ATXN1: variants seen among roughly 807,000 people sequenced by gnomAD.
The protein encoded by ATXN1 is ataxin-1.
ATXN1 carries 8 observed loss-of-function variants against 56.4 expected under a neutral mutation model. The observed-to-expected ratio is 0.14, with a 90% CI of 0.08 to 0.26. The LOEUF is 0.26. Among genes scored for constraint, ATXN1 ranks in the 10% least tolerant of loss-of-function variants. The probability of loss-of-function intolerance (pLI) is 1.00; values close to 1 mark genes in which losing one functional copy is unlikely to be tolerated. For missense variants in ATXN1, 987 were observed against 1,106.5 expected (o/e 0.89, Z 1.53); for synonymous variants, 514 against 494.6 (o/e 1.04, Z -0.52).
intron 6 of ATXN1, among the ~76,000 whole-genome samples, chr6:16,393,270 T>G (rs1020085078): frequency 6.6e-6 from 1 of 152,086 alleles, no homozygotes; most frequent in African/African-American, 2.4e-5. Context: ...TATTTATTTT[T>G]TTTAGAGACA....
At chr6:16,497,292 T>C (rs1760798028) in intron 5 of ATXN1, among the ~76,000 whole-genome samples, 1 of 150,448 alleles carries the variant, frequency 6.6e-6, no homozygotes, top group Non-Finnish European at 1.5e-5. Context: ...AGTATAATCA[T>C]AATCATAATA....
chr6:16,760,670 G>A lies in ATXN1; in HGVS notation c.-730+628C>T, dbSNP rs915305062. Reference sequence around the variant, plus strand: ...ACCCGGCGAGGCCGGCCCTCCGAGGGGAGACCCCCGCCCCAGGGCGCCGAG... The same window carrying A: ...ACCCGGCGAGGCCGGCCCTCCGAGGAGAGACCCCCGCCCCAGGGCGCCGAG... On this transcript the variant is annotated intron_variant, in intron 1 of 7. Coordinates refer to ENST00000436367, the MANE Select transcript of ATXN1 (RefSeq NM_001128164.2). This position sits in a 1 kb window ranked among gnomAD's most constrained non-coding sequence, Gnocchi z 5.3. 6.6e-6 allele frequency among the ~76,000 whole-genome samples: 1 copy of A among 151,180 alleles called. No homozygotes were observed. The highest frequency in any genetic ancestry group is 2.4e-5 in the African/African-American group (1 of 41,340).
chr6:16,657,269 G>A (rs573019591), intron 3 of ATXN1, among the ~76,000 whole-genome samples: 4 of 152,262 alleles, frequency 2.6e-5, no homozygotes, highest in Non-Finnish European at 5.9e-5. Flanking sequence ...TTACAGGCGT[G>A]AGCCACCACA....
chr6:16,331,145 C>T (rs865823986), intron 6 of ATXN1, among the ~76,000 whole-genome samples: 53 of 152,216 alleles, frequency 3.5e-4, no homozygotes, highest in Admixed American at 1.0e-3. Flanking sequence ...GGATTATAGG[C>T]GGCTGCCGCC....
intron 6 of ATXN1, among the ~76,000 whole-genome samples, chr6:16,447,664 A>C (rs1282451097): frequency 6.6e-6 from 1 of 152,176 alleles, no homozygotes; most frequent in East Asian, 1.9e-4. Context: ...GCCTAATAGC[A>C]AAGGCGCTGA....
chr6:16,608,784 T>C (rs1025778451), intron 3 of ATXN1, among the ~76,000 whole-genome samples: 2 of 152,238 alleles, frequency 1.3e-5, no homozygotes, highest in African/African-American at 2.4e-5. Context: ...ACAAAAGCTG[T>C]GTGTCTGACA....
Position 16,304,472 on chromosome 6 carries a change from TAAC to T in ATXN1, c.*1854_*1856del, listed in dbSNP as rs1401956453. The T allele has an allele frequency of 2.0e-5, 3 of 152,458 alleles. No individual in the cohort carries two copies. The highest frequency in any genetic ancestry group is 6.6e-5 in the Admixed American group (1 of 15,266). 9.4% of individuals were successfully genotyped at this position (152,458 alleles called of 1,614,324 possible). On this transcript the variant is annotated 3_prime_UTR_variant, in exon 8 of 8. Coordinates refer to ENST00000436367, the MANE Select transcript of ATXN1 (RefSeq NM_001128164.2). Reference sequence around the variant, plus strand: ...AAAGCCATTCTGAAAATAACATTAATAACAACAATAATAAAGTAATTGTTTAAA... The same window carrying T: ...AAAGCCATTCTGAAAATAACATTAATAACAATAATAAAGTAATTGTTTAAA...
rs756245803 is a variant in ATXN1, at chr6:16,328,147, T to A, written c.164A>T (p.His55Leu). Residue 55 changes from histidine to leucine, a missense_variant, in exon 7 of 8, where the codon CAC (histidine) becomes CTC (leucine). By Grantham distance (99) the His-to-Leu change is moderately conservative. Coordinates refer to ENST00000436367, the MANE Select transcript of ATXN1 (RefSeq NM_001128164.2). The surrounding 1 kb of genome is among the most constrained non-coding windows in gnomAD (Gnocchi z 6.2). ...TGCCGGCCCATGCCTCCCGCCCCCGTGGCCCCGGCCACCAGGGTTGCCCGG... is the reference window on the plus strand; with the variant it reads ...TGCCGGCCCATGCCTCCCGCCCCCGAGGCCCCGGCCACCAGGGTTGCCCGG... ...WLPGNPGGRG[H>L]GGGRHGPAGT... is the part of the protein sequence containing the mutation. The A allele has an allele frequency of 8.2e-6, 13 of 1,582,454 alleles. No individual in the cohort carries two copies. The highest frequency in any genetic ancestry group is 1.1e-5 in the Non-Finnish European group (13 of 1,160,972).
chr6:16,421,719 TGCA>T (rs1391795071), intron 6 of ATXN1, among the ~76,000 whole-genome samples: 1 of 151,276 alleles, frequency 6.6e-6, no homozygotes, highest in Non-Finnish European at 1.5e-5. Flanking sequence ...CAAATAGGTG[TGCA>T]GAAGTGAGTG....
rs145402142 is a variant in ATXN1 at position 16,497,420 on chromosome 6, C to T, written c.-298-11311G>A. Among the ~76,000 whole-genome samples, 478 of 152,156 alleles carry T rather than the reference C, an allele frequency of 3.1e-3. 1 individual carries two copies. The highest frequency in any genetic ancestry group is 8.6e-3 in the Admixed American group (132 of 15,288). ...ATACAGCTTCCTTCCACTTTTAGAC[C>T]GTTCTGTGGGCTTGGAGATCCACCT... is the stretch of plus-strand genomic sequence containing the variant. On this transcript the variant is annotated intron_variant, in intron 5 of 7. Transcript: ENST00000436367.
Position 16,441,699 on chromosome 6 carries a change from A to T in ATXN1, c.-161+44273T>A, listed in dbSNP as rs140727440. Among the ~76,000 whole-genome samples the T allele has an allele frequency of 4.2e-3, 634 of 152,346 alleles. 3 individuals carry two copies. The highest frequency in any genetic ancestry group is 6.4e-3 in the Admixed American group (98 of 15,308). On this transcript the variant is annotated intron_variant, in intron 6 of 7. Coordinates refer to ENST00000436367, the MANE Select transcript of ATXN1 (RefSeq NM_001128164.2). ...GCAAAAGAACGTGGGAAAGAATTTG[A>T]AGAAAACGAAAAAAGAAAATCCATT...
intron 2 of ATXN1, among the ~76,000 whole-genome samples, chr6:16,707,028 A>G (rs181066887): frequency 1.3e-4 from 20 of 152,178 alleles, no homozygotes; most frequent in Admixed American, 3.3e-4. Flanking sequence ...GCTCAAATTC[A>G]AAAGATGAAG....
At chr6:16,496,714 A>C (rs1760787632) in intron 5 of ATXN1, among the ~76,000 whole-genome samples, 1 of 152,208 alleles carries the variant, frequency 6.6e-6, no homozygotes. Context: ...CGTTTCATTA[A>C]AAACCCCAAG....
At chr6:16,661,428 G>A (rs1359218768) in intron 2 of ATXN1, among the ~76,000 whole-genome samples, 1 of 152,132 alleles carries the variant, frequency 6.6e-6, no homozygotes, top group East Asian at 1.9e-4. Flanking sequence ...GTAGTATCAT[G>A]ATCTGCCTTA....
intron 2 of ATXN1, among the ~76,000 whole-genome samples, chr6:16,703,476 A>T (rs184518056): frequency 4.6e-5 from 7 of 152,356 alleles, no homozygotes; most frequent in Non-Finnish European, 8.8e-5. Flanking sequence ...AACTTAAAGT[A>T]TAATTTTAAA....
chr6:16,380,665 A>T (rs955862823), intron 6 of ATXN1, among the ~76,000 whole-genome samples: 11 of 152,152 alleles, frequency 7.2e-5, no homozygotes, highest in African/African-American at 2.7e-4. Context: ...GTAGGCCATA[A>T]ATAGCTCTTA....
Position 16,328,326 on chromosome 6 carries a change from C to T in ATXN1, c.-16G>A. 6.7e-7 allele frequency: 1 copy of T among 1,496,522 alleles called. No homozygotes were observed. The highest frequency in any genetic ancestry group is 8.9e-7 in the Non-Finnish European group (1 of 1,129,072). 92.7% of individuals were successfully genotyped at this position (1,496,522 alleles called of 1,614,324 possible). ...TGGATTTCATTTTTCGCCGTCCCCCCTCCACGGTGACTGTTTCACTGTCTG... is the reference window on the plus strand; with the variant it reads ...TGGATTTCATTTTTCGCCGTCCCCCTTCCACGGTGACTGTTTCACTGTCTG... On this transcript the variant is annotated 5_prime_UTR_variant, in exon 7 of 8. Coordinates refer to ENST00000436367, the MANE Select transcript of ATXN1 (RefSeq NM_001128164.2). This position sits in a 1 kb window ranked among gnomAD's most constrained non-coding sequence, Gnocchi z 6.2.
intron 4 of ATXN1, among the ~76,000 whole-genome samples, chr6:16,530,518 T>C (rs529192013): frequency 6.6e-6 from 1 of 152,156 alleles, no homozygotes; most frequent in Non-Finnish European, 1.5e-5. Flanking sequence ...AGCAGATTCA[T>C]CCATTGTCGG....
intron 6 of ATXN1, among the ~76,000 whole-genome samples, chr6:16,445,831 T>C (rs1264718475): frequency 2.6e-5 from 4 of 151,464 alleles, no homozygotes; most frequent in African/African-American, 7.3e-5. Context: ...ATTTCATCCA[T>C]GTCCCTACAA....
Sources: gnomAD v4.1 joint callset for allele counts (sites outside exome capture counted in the v4.1 genomes callset) on GRCh38, gnomAD v4.1.1 for gene constraint, Gnocchi (gnomAD v3.1) non-coding constraint, MANE v1.5 for transcripts, NCBI Gene and HGNC (gene_info 2026-07-23, HGNC 2026-07-21) for gene names.